Variants in RAPGEF2 observed in about 807,000 individuals in gnomAD.
RAPGEF2 encodes PDZ domain containing guanine nucleotide exchange factor (GEF) 1.
RAPGEF2 carries 54 observed loss-of-function variants against 186.7 expected under a neutral mutation model. The observed-to-expected ratio is 0.29, with a 90% CI of 0.23 to 0.36. The LOEUF (loss-of-function observed/expected upper bound fraction) is 0.36, where lower values mean the gene tolerates loss of function less well. Ranked by LOEUF, RAPGEF2 falls within the 10% of genes least tolerant of loss-of-function variation. The probability of loss-of-function intolerance (pLI) is 1.00; values close to 1 mark genes in which losing one functional copy is unlikely to be tolerated. For missense variants in RAPGEF2, 1,532 were observed against 2,045.0 expected, an observed-to-expected ratio of 0.75 and a Z score of 4.84; for synonymous variants, 712 against 705.9, an observed-to-expected ratio of 1.01 and a Z score of -0.14.
intron 8 of RAPGEF2, among the ~76,000 whole-genome samples, chr4:159,313,026 T>C (rs1764129146): frequency 6.6e-6 from 1 of 152,112 alleles, no homozygotes. Context: ...TGCACACCTG[T>C]AGTCCCAGCT....
At chr4:159,306,571 T>A (rs1456074708) in intron 8 of RAPGEF2, among the ~76,000 whole-genome samples, 6 of 152,166 alleles carry the variant, frequency 3.9e-5, no homozygotes, top group Non-Finnish European at 7.4e-5. Context: ...GATCATTCCA[T>A]CAGTGAACAG....
chr4:159,232,391 T>G (rs1182517484), intron 4 of RAPGEF2, among the ~76,000 whole-genome samples: 2 of 152,204 alleles, frequency 1.3e-5, no homozygotes, highest in African/African-American at 4.8e-5. Context: ...TATTTGTACT[T>G]TTGTGGCTGG....
At chr4:159,331,318 C>T in intron 13 of RAPGEF2, 113 bp from the exon 14 acceptor site, 13 of 589,272 alleles carry the variant, frequency 2.2e-5, no homozygotes, top group East Asian at 5.9e-5. Context: ...ATTTATTTTC[C>T]TGTTTATTAT....
At position 159,339,483 on chromosome 4, in the gene RAPGEF2, T is replaced by C. The variant is rs1580002213; in HGVS notation, c.2534+129T>C. On this transcript the variant is annotated intron_variant, in intron 19 of 29. Coordinates refer to ENST00000691494, the MANE Select transcript of RAPGEF2 (RefSeq NM_001394067.2). ...TCCCTGCGATTAAAAAGTATTGTTG[T>C]TGTTTTTTTTTTCCTTTCACCAAGA... 13 of 1,246,238 alleles carry C rather than the reference T, an allele frequency of 1.0e-5. No homozygotes were observed. In the East Asian group the frequency reaches 3.1e-4, roughly 29 times the overall value. 77.2% of individuals were successfully genotyped at this position (1,246,238 alleles called of 1,614,324 possible).
intron 8 of RAPGEF2, 117 bp downstream of exon 8, chr4:159,304,590 A>G (rs1561247308): frequency 1.1e-6 from 1 of 918,170 alleles, no homozygotes; most frequent in East Asian, 2.9e-5. Context: ...TGTGCATGTA[A>G]GTACATAAAA....
At chr4:159,272,544 G>T (rs190391588) in intron 7 of RAPGEF2, among the ~76,000 whole-genome samples, 1 of 152,118 alleles carries the variant, frequency 6.6e-6, no homozygotes, top group Non-Finnish European at 1.5e-5. Context: ...TCTTCTAATT[G>T]GTGCTTATAA....
intron 3 of RAPGEF2, among the ~76,000 whole-genome samples, chr4:159,194,966 T>C (rs1162441119): frequency 6.6e-6 from 1 of 152,166 alleles, no homozygotes; most frequent in African/African-American, 2.4e-5. Flanking sequence ...GTGCTTGAAC[T>C]GAGGCAAAGA....
chr4:159,110,351 G>T (rs889375112), intron 1 of RAPGEF2, among the ~76,000 whole-genome samples: 5 of 152,174 alleles, frequency 3.3e-5, no homozygotes, highest in Non-Finnish European at 7.3e-5. Context: ...ACTTTAGGAG[G>T]CTGAGGCGGG....
At chr4:159,262,185 A>T (rs913810153) in intron 7 of RAPGEF2, among the ~76,000 whole-genome samples, 3 of 152,222 alleles carry the variant, frequency 2.0e-5, no homozygotes, top group Non-Finnish European at 2.9e-5. Context: ...TCTGTTGTTG[A>T]CAATATCAGA....
At chr4:159,287,187 A>G (rs968506218) in intron 7 of RAPGEF2, among the ~76,000 whole-genome samples, 4 of 152,170 alleles carry the variant, frequency 2.6e-5, no homozygotes, top group Admixed American at 6.5e-5. Context: ...ACTGGAGGCA[A>G]TAAGTAGCCA....
At chr4:159,225,438 C>G (rs995584163) in intron 4 of RAPGEF2, among the ~76,000 whole-genome samples, 1 of 152,098 alleles carries the variant, frequency 6.6e-6, no homozygotes, top group Non-Finnish European at 1.5e-5. Flanking sequence ...TTGGCTTCTA[C>G]GAATATTCAC....
chr4:159,150,675 T>A (rs1743443796), intron 1 of RAPGEF2, among the ~76,000 whole-genome samples: 1 of 152,212 alleles, frequency 6.6e-6, no homozygotes, highest in Non-Finnish European at 1.5e-5. Flanking sequence ...GGACAAACAT[T>A]TTTTGGTGCT....
intron 1 of RAPGEF2, among the ~76,000 whole-genome samples, chr4:159,129,071 CTG>C (rs1740714872): frequency 6.6e-6 from 1 of 150,892 alleles, no homozygotes; most frequent in South Asian, 2.1e-4. Flanking sequence ...TGTCATCATT[CTG>C]TATTTAAATT....
rs145115764 is a variant in RAPGEF2 at position 159,234,016 on chromosome 4, A to G, written c.282-4793A>G. On this transcript the variant is annotated intron_variant, in intron 4 of 29. Transcript: ENST00000691494. ...CCCCCTGAATTTCCATATGAATTTT[A>G]GGACCAGCTTTTTCATTTCTGTAAA... Among the ~76,000 whole-genome samples, 1,118 of 152,230 alleles carry G rather than the reference A, an allele frequency of 7.3e-3. 18 individuals are homozygous for G. The highest frequency in any genetic ancestry group is 0.025 in the African/African-American group (1,044 of 41,536).
chr4:159,202,438 C>T (rs1004622998), intron 3 of RAPGEF2, among the ~76,000 whole-genome samples: 2 of 152,120 alleles, frequency 1.3e-5, no homozygotes, highest in African/African-American at 2.4e-5. Context: ...TCCCGAAAAC[C>T]CCCCAAAACT....
intron 1 of RAPGEF2, among the ~76,000 whole-genome samples, chr4:159,129,489 A>G (rs1237146390): frequency 6.6e-6 from 1 of 152,182 alleles, no homozygotes; most frequent in Non-Finnish European, 1.5e-5. Context: ...CCAGAAAGTC[A>G]CCTAGATGTT....
chr4:159,115,819 A>C (rs1445991817), intron 1 of RAPGEF2, among the ~76,000 whole-genome samples: 1 of 152,200 alleles, frequency 6.6e-6, no homozygotes, highest in Non-Finnish European at 1.5e-5. Flanking sequence ...AACCTGACAC[A>C]AAAACAAGCA....
intron 3 of RAPGEF2, among the ~76,000 whole-genome samples, chr4:159,195,772 A>T (rs935897810): frequency 6.6e-6 from 1 of 152,012 alleles, no homozygotes; most frequent in Non-Finnish European, 1.5e-5. Context: ...TAAAGTGGCA[A>T]CTGAAACCCG....
At chr4:159,271,793 T>C (rs1238836494) in intron 7 of RAPGEF2, among the ~76,000 whole-genome samples, 1 of 152,180 alleles carries the variant, frequency 6.6e-6, no homozygotes, top group Non-Finnish European at 1.5e-5. Flanking sequence ...TATGTGACAT[T>C]CCAAGCAGCA....
Sources: gnomAD v4.1 joint callset for allele counts (sites outside exome capture counted in the v4.1 genomes callset) on GRCh38, gnomAD v4.1.1 for gene constraint, MANE v1.5 for transcripts, NCBI Gene and HGNC (gene_info 2026-07-23, HGNC 2026-07-21) for gene names.